FAT3: variants seen among roughly 807,000 people sequenced by gnomAD.
FAT3 encodes FAT atypical cadherin 3, also known as protocadherin Fat 3.
A neutral mutation model predicts 310.2 loss-of-function variants in FAT3; 95 were observed. The ratio of observed to expected loss-of-function variants is 0.31; its 90% CI spans 0.26 to 0.36. The LOEUF is 0.36. Among genes scored for constraint, FAT3 ranks in the 10% least tolerant of loss-of-function variants. The pLI, the probability that FAT3 is intolerant of heterozygous loss-of-function variation, is 1.00. For missense variants in FAT3, 5,408 were observed against 5,715.6 expected (o/e 0.95, Z 1.74); for synonymous variants, 2,314 against 2,192.9 (o/e 1.06, Z -1.54).
At chr11:92,804,158 A>G (rs533421572) in intron 10 of FAT3, among the ~76,000 whole-genome samples, 1 of 152,328 alleles carries the variant, frequency 6.6e-6, no homozygotes, top group Non-Finnish European at 1.5e-5. Context: ...ATCTCTGCTG[A>G]GACAGCAGAT....
chr11:92,612,461 A>C lies in FAT3; in HGVS notation c.3608-84923A>C, dbSNP rs192067607. Among the ~76,000 whole-genome samples the C allele has an allele frequency of 3.3e-5, 5 of 152,338 alleles. No individual in the cohort carries two copies. In the East Asian group the frequency reaches 9.7e-4, roughly 29 times the overall value. On this transcript the variant is annotated intron_variant, in intron 3 of 27. Coordinates refer to ENST00000525166, the MANE Select transcript of FAT3 (RefSeq NM_001367949.2). ...AACATAGATACAGCAGAGTAAGAAAAATTGGAAGAAATAAGAACTGGGACT... is the reference window on the plus strand; with the variant it reads ...AACATAGATACAGCAGAGTAAGAAACATTGGAAGAAATAAGAACTGGGACT...
chr11:92,591,346 G>C (rs1475112614), intron 3 of FAT3, among the ~76,000 whole-genome samples: 1 of 152,052 alleles, frequency 6.6e-6, no homozygotes, highest in African/African-American at 2.4e-5. Context: ...GCATTGGATT[G>C]GTTTCCTCGG....
chr11:92,533,520 T>A (rs1251619543), intron 3 of FAT3, among the ~76,000 whole-genome samples: 1 of 152,138 alleles, frequency 6.6e-6, no homozygotes. Context: ...TTAACAGGAT[T>A]GTTACTTGGA....
chr11:92,615,309 C>G (rs1236563879), intron 3 of FAT3, among the ~76,000 whole-genome samples: 1 of 152,114 alleles, frequency 6.6e-6, no homozygotes, highest in Non-Finnish European at 1.5e-5. Flanking sequence ...TGCAGTGGCA[C>G]GATCTTCGCT....
At chr11:92,617,577 C>G (rs1213562740) in intron 3 of FAT3, among the ~76,000 whole-genome samples, 1 of 152,148 alleles carries the variant, frequency 6.6e-6, no homozygotes, top group East Asian at 1.9e-4. Context: ...TTAGAATTAT[C>G]AGGTTTTCTG....
intron 10 of FAT3, among the ~76,000 whole-genome samples, chr11:92,803,285 A>G (rs1161852656): frequency 2.0e-5 from 3 of 152,220 alleles, no homozygotes; most frequent in African/African-American, 7.2e-5. Context: ...AGTACAGAGT[A>G]GCTTAAAGCT....
chr11:92,323,199 AT>A (rs1254136189), intron 1 of FAT3, among the ~76,000 whole-genome samples: 1 of 151,170 alleles, frequency 6.6e-6, no homozygotes, highest in Non-Finnish European at 1.5e-5. Context: ...ATGAGCAGTA[AT>A]ATATATATAC....
chr11:92,746,172 G>C (rs1053288727), intron 4 of FAT3, among the ~76,000 whole-genome samples: 1 of 152,184 alleles, frequency 6.6e-6, no homozygotes, highest in Non-Finnish European at 1.5e-5. Flanking sequence ...GTATTAGTCT[G>C]TTCTCATGCT....
chr11:92,542,896 T>G (rs1954496315), intron 3 of FAT3, among the ~76,000 whole-genome samples: 1 of 152,158 alleles, frequency 6.6e-6, no homozygotes, highest in Admixed American at 6.6e-5. Flanking sequence ...GCAGCACTTT[T>G]CACAATAGCC....
At chr11:92,514,655 G>A (rs1037003857) in intron 2 of FAT3, among the ~76,000 whole-genome samples, 1 of 152,104 alleles carries the variant, frequency 6.6e-6, no homozygotes, top group African/African-American at 2.4e-5. Context: ...ATGGACAGAG[G>A]TCCTATCCTA....
chr11:92,680,553 C>T (rs1283307608), intron 3 of FAT3, among the ~76,000 whole-genome samples: 1 of 152,136 alleles, frequency 6.6e-6, no homozygotes, highest in Non-Finnish European at 1.5e-5. Flanking sequence ...ATGCTTCCAG[C>T]TTTGTTCTTT....
chr11:92,798,716 G>A lies in FAT3; in HGVS notation c.5703G>A (p.Glu1901=). ...ILLLPTYVGV[E]VLKVSATDPD... ...TTCTACCTACCTATGTTGGAGTGGA[G>A]GTTCTGAAAGTTAGTGCCACAGATC... The change falls in exon 10 of 28, where the codon GAG becomes GAA. Residue 1901 remains glutamate, a synonymous_variant. Coordinates refer to ENST00000525166, the MANE Select transcript of FAT3 (RefSeq NM_001367949.2). The A allele has an allele frequency of 1.2e-6, 2 of 1,613,744 alleles. No homozygotes were observed. The highest frequency in any genetic ancestry group is 1.7e-6 in the Non-Finnish European group (2 of 1,179,828).
chr11:92,304,690 A>G (rs761552606), intron 1 of FAT3, among the ~76,000 whole-genome samples: 2 of 152,132 alleles, frequency 1.3e-5, no homozygotes, highest in East Asian at 1.9e-4. Flanking sequence ...TAAGAGGACA[A>G]CTTACACCTG....
chr11:92,697,604 G>C (rs1024663343), intron 4 of FAT3, among the ~76,000 whole-genome samples, 159 bp downstream of exon 4: 1 of 152,194 alleles, frequency 6.6e-6, no homozygotes, highest in African/African-American at 2.4e-5. Context: ...GATTTCTAGT[G>C]TGTTCTTCCC....
intron 2 of FAT3, among the ~76,000 whole-genome samples, chr11:92,389,556 A>G (rs1949702018): frequency 6.6e-6 from 1 of 152,236 alleles, no homozygotes; most frequent in African/African-American, 2.4e-5. Flanking sequence ...GACTAATGAT[A>G]TTAGAATATC....
chr11:92,233,221 G>A (rs1034254136), intron 1 of FAT3, among the ~76,000 whole-genome samples: 3 of 152,164 alleles, frequency 2.0e-5, no homozygotes, highest in Non-Finnish European at 4.4e-5. Context: ...GATTTTGGCT[G>A]TCTCCTATAC....
intron 2 of FAT3, among the ~76,000 whole-genome samples, chr11:92,442,081 T>TTTA (rs1355599282): frequency 1.0e-4 from 7 of 69,984 alleles, no homozygotes; most frequent in African/African-American, 5.8e-4. Context: ...AATATATATT[T>TTTA]TATATATATA....
intron 2 of FAT3, among the ~76,000 whole-genome samples, chr11:92,451,161 A>G (rs1951343348): frequency 6.6e-6 from 1 of 152,162 alleles, no homozygotes; most frequent in African/African-American, 2.4e-5. Flanking sequence ...GACCTTGGAA[A>G]GAGAATTGCC....
At chr11:92,647,980 C>G (rs953912767) in intron 3 of FAT3, among the ~76,000 whole-genome samples, 3 of 152,042 alleles carry the variant, frequency 2.0e-5, no homozygotes, top group Admixed American at 2.0e-4. Context: ...ACCTGGATTT[C>G]AGTAGGTTGA....
Sources: gnomAD v4.1 joint callset for allele counts (sites outside exome capture counted in the v4.1 genomes callset) on GRCh38, gnomAD v4.1.1 for gene constraint, MANE v1.5 for transcripts, NCBI Gene and HGNC (gene_info 2026-07-23, HGNC 2026-07-21) for gene names.